MEIKIN: variants seen among roughly 807,000 people sequenced by gnomAD.
The protein encoded by MEIKIN is meiotic kinetochore factor.
intron 9 of MEIKIN, among the ~76,000 whole-genome samples, chr5:131,870,003 G>A (rs2149623815): frequency 6.6e-6 from 1 of 152,306 alleles, no homozygotes; most frequent in East Asian, 1.9e-4. Context: ...AGGACAAAGT[G>A]ATGACTTCTA....
At chr5:131,880,430 G>A (rs1021681907) in intron 8 of MEIKIN, among the ~76,000 whole-genome samples, 4 of 140,076 alleles carry the variant, frequency 2.9e-5, no homozygotes, top group South Asian at 2.3e-4. Flanking sequence ...AAGTAGAGAC[G>A]GGGGTCTCAC....
intron 11 of MEIKIN, among the ~76,000 whole-genome samples, chr5:131,826,080 T>A (rs566613949): frequency 5.2e-4 from 73 of 139,768 alleles, no homozygotes; most frequent in African/African-American, 1.8e-3. Context: ...GAATTTTTCT[T>A]GTTTTCTTTT....
At chr5:131,814,819 A>G (rs1261920477) in intron 12 of MEIKIN, among the ~76,000 whole-genome samples, 1 of 152,146 alleles carries the variant, frequency 6.6e-6, no homozygotes, top group Non-Finnish European at 1.5e-5. Flanking sequence ...AAGTGGCCAC[A>G]GTGGCAAGAA....
At chr5:131,811,639 C>T (rs1435507204) in intron 12 of MEIKIN, among the ~76,000 whole-genome samples, 1 of 151,054 alleles carries the variant, frequency 6.6e-6, no homozygotes, top group African/African-American at 2.4e-5. Flanking sequence ...GATGCAGTCT[C>T]ACTCTCGCCC....
intron 12 of MEIKIN, among the ~76,000 whole-genome samples, chr5:131,814,470 T>C (rs1010637124): frequency 1.3e-5 from 2 of 151,702 alleles, no homozygotes; most frequent in Non-Finnish European, 2.9e-5. Flanking sequence ...GAAGAGATGG[T>C]TTCACAATGT....
chr5:131,900,084 T>C (rs1388313524), intron 8 of MEIKIN, among the ~76,000 whole-genome samples: 1 of 152,146 alleles, frequency 6.6e-6, no homozygotes, highest in Non-Finnish European at 1.5e-5. Flanking sequence ...ATATGTTAGG[T>C]CACAAAACAA....
chr5:131,810,069 CAGTT>C (rs905186518), intron 12 of MEIKIN, among the ~76,000 whole-genome samples: 4 of 152,150 alleles, frequency 2.6e-5, no homozygotes, highest in South Asian at 2.1e-4. Flanking sequence ...GCTTATGTAA[CAGTT>C]AGGATTTGAA....
At chr5:131,817,911 GTAAT>G (rs1773131857) in intron 12 of MEIKIN, among the ~76,000 whole-genome samples, 1 of 152,248 alleles carries the variant, frequency 6.6e-6, no homozygotes, top group African/African-American at 2.4e-5. Flanking sequence ...GTGCCACTGA[GTAAT>G]TAGACATTCT....
chr5:131,817,724 A>G (rs1443205706), intron 12 of MEIKIN, among the ~76,000 whole-genome samples: 1 of 152,186 alleles, frequency 6.6e-6, no homozygotes, highest in Non-Finnish European at 1.5e-5. Context: ...CACTGAATTG[A>G]GTATTCAAGG....
chr5:131,890,870 C>T (rs536652347), intron 8 of MEIKIN, among the ~76,000 whole-genome samples: 14 of 152,146 alleles, frequency 9.2e-5, no homozygotes, highest in Admixed American at 2.0e-4. Context: ...ATAAATTTCC[C>T]TCTACACACT....
intron 8 of MEIKIN, among the ~76,000 whole-genome samples, chr5:131,898,303 C>G (rs1400696919): frequency 6.6e-6 from 1 of 152,138 alleles, no homozygotes; most frequent in Non-Finnish European, 1.5e-5. Flanking sequence ...AAGCTTTGTC[C>G]CAGAGGGGCA....
chr5:131,872,531 C>G (rs1561739707), intron 9 of MEIKIN, among the ~76,000 whole-genome samples: 1 of 152,194 alleles, frequency 6.6e-6, no homozygotes. Flanking sequence ...ATTGGTGTAC[C>G]TGAAAGTGAC....
chr5:131,940,550 G>A (rs1252667730), intron 4 of MEIKIN, among the ~76,000 whole-genome samples: 1 of 152,108 alleles, frequency 6.6e-6, no homozygotes, highest in Non-Finnish European at 1.5e-5. Context: ...CTTTTCCATG[G>A]AACTGGTTTT....
chr5:131,938,657 T>C (rs1419999983), intron 4 of MEIKIN, among the ~76,000 whole-genome samples: 4 of 152,224 alleles, frequency 2.6e-5, no homozygotes, highest in African/African-American at 9.6e-5. Flanking sequence ...TTTTAACAAA[T>C]TTTTTTGTTC....
intron 8 of MEIKIN, among the ~76,000 whole-genome samples, chr5:131,911,008 C>T (rs1185594842): frequency 1.3e-5 from 2 of 152,036 alleles, no homozygotes; most frequent in African/African-American, 4.8e-5. Flanking sequence ...TCACACATTC[C>T]CTTATTCTTT....
intron 11 of MEIKIN, among the ~76,000 whole-genome samples, chr5:131,827,495 A>G (rs1263876267): frequency 1.3e-5 from 2 of 152,216 alleles, no homozygotes; most frequent in African/African-American, 2.4e-5. Context: ...CCATAAACAT[A>G]AGGCTATGAG....
At chr5:131,917,174 A>G (rs1449738766) in intron 6 of MEIKIN, among the ~76,000 whole-genome samples, 1 of 152,148 alleles carries the variant, frequency 6.6e-6, no homozygotes, top group Non-Finnish European at 1.5e-5. Flanking sequence ...AAGTCTTTTC[A>G]CGTGTATTAT....
rs1167213249 is a variant in MEIKIN, at chr5:131,819,765, A to ATTTT, written c.976-906_976-903dup. ...TAGGCATGCACCACTACATCCAGCT[A>ATTTT]TTTTTTTTTTTTTTTTTTTTTTTTT... is the stretch of plus-strand genomic sequence containing the variant. On this transcript the variant is annotated intron_variant, in intron 11 of 12. Transcript: ENST00000442687. Among the ~76,000 whole-genome samples the ATTTT allele has an allele frequency of 8.3e-3, 537 of 64,572 alleles. 83 individuals carry two copies. Among genetic ancestry groups the ATTTT allele is most frequent in the African/African-American group, 0.037 (470 of 12,790 alleles). 42.4% of individuals were successfully genotyped at this position (64,572 alleles called of 152,430 possible).
At chr5:131,925,460 T>C (rs1751572334) in intron 5 of MEIKIN, among the ~76,000 whole-genome samples, 1 of 152,288 alleles carries the variant, frequency 6.6e-6, no homozygotes, top group African/African-American at 2.4e-5. Flanking sequence ...TATTCATCAT[T>C]GTTTTCCAGC....
Sources: allele counts gnomAD v4.1 joint callset (sites outside exome capture counted in the v4.1 genomes callset), GRCh38; gene constraint gnomAD v4.1.1; transcripts MANE v1.5; gene names NCBI Gene and HGNC (gene_info 2026-07-23, HGNC 2026-07-21).